Variants in GALNTL6 observed in about 807,000 individuals in gnomAD.
GALNTL6 encodes polypeptide N-acetylgalactosaminyltransferase like 6, also known as polypeptide N-acetylgalactosaminyltransferase-like 6.
Under a neutral mutation model 73.7 loss-of-function variants are expected in GALNTL6, and 46 were observed. The ratio of observed to expected loss-of-function variants is 0.62; its 90% CI spans 0.49 to 0.80. GALNTL6 has a LOEUF of 0.80. GALNTL6 is among the 30% of genes least tolerant of loss of function. The pLI, the probability that GALNTL6 is intolerant of heterozygous loss-of-function variation, is 0.00. For missense variants in GALNTL6, 604 were observed against 755.0 expected (o/e 0.80, Z 2.34); for synonymous variants, 259 against 263.7 (o/e 0.98, Z 0.17).
In GALNTL6 at chr4:172,079,833, C is replaced by CT. The variant is rs201150849; in HGVS notation, c.139-149813dup. ...CCTACTGTCTATCATGAACACAACA[C>CT]TTTTTTTTTTACAAAATTTTGTTCT... On this transcript the variant is annotated intron_variant, in intron 2 of 12. Transcript: ENST00000506823. 8.1e-3 allele frequency among the ~76,000 whole-genome samples: 1,201 copies of CT among 148,254 alleles called. 8 individuals are homozygous for CT. The highest frequency in any genetic ancestry group is 0.014 in the Middle Eastern group (4 of 284).
intron 2 of GALNTL6, among the ~76,000 whole-genome samples, chr4:171,957,596 T>A (rs1477128384): frequency 6.6e-6 from 1 of 152,216 alleles, no homozygotes; most frequent in Non-Finnish European, 1.5e-5. Context: ...AGAAAACTGT[T>A]GTCTAGTTAT....
chr4:172,568,004 T>C (rs1273351906), intron 5 of GALNTL6, among the ~76,000 whole-genome samples: 1 of 152,186 alleles, frequency 6.6e-6, no homozygotes, highest in Non-Finnish European at 1.5e-5. Context: ...TAACTAAAAA[T>C]ACGAATTCAG....
chr4:172,904,803 T>C (rs1746801802), intron 8 of GALNTL6, among the ~76,000 whole-genome samples: 1 of 152,178 alleles, frequency 6.6e-6, no homozygotes, highest in Non-Finnish European at 1.5e-5. Context: ...TCTTTGTTTC[T>C]ACTTTGATGT....
At chr4:171,942,497 C>T (rs558441344) in intron 2 of GALNTL6, among the ~76,000 whole-genome samples, 38 of 152,212 alleles carry the variant, frequency 2.5e-4, no homozygotes, top group African/African-American at 8.9e-4. Context: ...CAATAATACA[C>T]AAAATATGTA....
At chr4:173,022,988 C>A (rs532957915) in intron 12 of GALNTL6, among the ~76,000 whole-genome samples, 1 of 152,164 alleles carries the variant, frequency 6.6e-6, no homozygotes, top group Non-Finnish European at 1.5e-5. Context: ...CCTGCTGGGG[C>A]CTTCTCAGCC....
chr4:172,612,761 T>TGG (rs1422368813), intron 5 of GALNTL6, among the ~76,000 whole-genome samples: 1 of 152,148 alleles, frequency 6.6e-6, no homozygotes, highest in Non-Finnish European at 1.5e-5. Context: ...CCTAAAATGT[T>TGG]GGTTGTTATT....
intron 5 of GALNTL6, among the ~76,000 whole-genome samples, chr4:172,567,898 G>C (rs890955374): frequency 6.6e-6 from 1 of 152,128 alleles, no homozygotes; most frequent in African/African-American, 2.4e-5. Flanking sequence ...TCTCCACTAT[G>C]AGTGCCAGAA....
intron 5 of GALNTL6, among the ~76,000 whole-genome samples, chr4:172,384,735 A>G (rs1743400520): frequency 6.6e-6 from 1 of 152,034 alleles, no homozygotes; most frequent in Non-Finnish European, 1.5e-5. Flanking sequence ...TTACAGACAT[A>G]AATTTCCCTT....
chr4:172,676,268 C>T (rs1192352073), intron 5 of GALNTL6, among the ~76,000 whole-genome samples: 6 of 152,156 alleles, frequency 3.9e-5, no homozygotes, highest in South Asian at 2.1e-4. Flanking sequence ...ACAAGGGACA[C>T]GGTCAACTTT....
At position 172,813,082 on chromosome 4, in the gene GALNTL6, G is replaced by A. The variant is rs1055110328; in HGVS notation, c.740-458G>A. 2.0e-5 allele frequency among the ~76,000 whole-genome samples: 3 copies of A among 152,134 alleles called. 1 individual carries two copies. Among genetic ancestry groups the A allele is most frequent in the South Asian group, 4.2e-4 (2 of 4,818 alleles). ...TTATAGGGGAGCAGCCACCATGATT[G>A]TTATGAAATTAGATGCTACAAAAAC... On this transcript the variant is annotated intron_variant, in intron 6 of 12. Transcript: ENST00000506823.
At chr4:172,826,441 C>A (rs1314662674) in intron 7 of GALNTL6, among the ~76,000 whole-genome samples, 2 of 152,224 alleles carry the variant, frequency 1.3e-5, no homozygotes, top group Non-Finnish European at 2.9e-5. Flanking sequence ...ACATCTAATT[C>A]CTTCTACAAA....
intron 5 of GALNTL6, among the ~76,000 whole-genome samples, chr4:172,429,368 C>T (rs1022675838): frequency 6.6e-6 from 1 of 151,812 alleles, no homozygotes; most frequent in Non-Finnish European, 1.5e-5. Context: ...TGCACCACTA[C>T]GCCTGGCTAA....
At chr4:172,846,980 C>T (rs1462288190) in intron 7 of GALNTL6, among the ~76,000 whole-genome samples, 1 of 152,102 alleles carries the variant, frequency 6.6e-6, no homozygotes, top group African/African-American at 2.4e-5. Context: ...CTCCCTCTCC[C>T]TTTGTCTCTC....
At chr4:171,903,832 G>A (rs952063522) in intron 2 of GALNTL6, among the ~76,000 whole-genome samples, 4 of 152,080 alleles carry the variant, frequency 2.6e-5, no homozygotes, top group Admixed American at 2.6e-4. Context: ...GTGGGTCCCT[G>A]ACCCCTGACC....
At chr4:172,524,927 T>C (rs1734902993) in intron 5 of GALNTL6, among the ~76,000 whole-genome samples, 1 of 152,208 alleles carries the variant, frequency 6.6e-6, no homozygotes. Context: ...CCTTACATAT[T>C]TATATCCACT....
At chr4:172,352,497 C>T (rs1741975988) in intron 5 of GALNTL6, among the ~76,000 whole-genome samples, 1 of 152,074 alleles carries the variant, frequency 6.6e-6, no homozygotes. Flanking sequence ...TATAACAAGG[C>T]TTCATGGTGA....
At chr4:172,884,333 C>T (rs1745608281) in intron 8 of GALNTL6, among the ~76,000 whole-genome samples, 1 of 152,018 alleles carries the variant, frequency 6.6e-6, no homozygotes, top group South Asian at 2.1e-4. Flanking sequence ...TAAGATATAA[C>T]CTCAATGTGG....
intron 11 of GALNTL6, among the ~76,000 whole-genome samples, chr4:173,016,756 T>C (rs978390210): frequency 1.3e-5 from 2 of 152,126 alleles, no homozygotes; most frequent in African/African-American, 2.4e-5. Context: ...AGTTAAGACT[T>C]TGGGGGACTA....
intron 5 of GALNTL6, among the ~76,000 whole-genome samples, chr4:172,442,832 T>G (rs1042581868): frequency 6.6e-6 from 1 of 151,942 alleles, no homozygotes; most frequent in South Asian, 2.1e-4. Context: ...GGCAGGGAAT[T>G]TCAAAATAAC....
Sources: allele counts gnomAD v4.1 joint callset (sites outside exome capture counted in the v4.1 genomes callset), GRCh38; gene constraint gnomAD v4.1.1; transcripts MANE v1.5; gene names NCBI Gene and HGNC (gene_info 2026-07-23, HGNC 2026-07-21).